The following WASL variants were observed in gnomAD, a reference collection of about 807,000 sequenced individuals.
WASL encodes the protein actin nucleation-promoting factor WASL.
WASL carries 20 observed loss-of-function variants against 55.5 expected under a neutral mutation model. That is an observed-to-expected ratio of 0.36 (90% CI 0.25 to 0.52). The LOEUF (loss-of-function observed/expected upper bound fraction) is 0.52, where lower values mean the gene tolerates loss of function less well. WASL is among the 20% of genes least tolerant of loss of function. The pLI is 0.92. For synonymous variants in WASL, 249 were observed against 217.6 expected (o/e 1.14, Z -1.27); for missense variants, 504 against 622.5 (o/e 0.81, Z 2.03).
rs200077672 is a variant in WASL at position 123,684,463 on chromosome 7, G to C, written c.*56C>G. On this transcript the variant is annotated 3_prime_UTR_variant, in exon 11 of 11. Coordinates refer to ENST00000223023, the MANE Select transcript of WASL (RefSeq NM_003941.4). ...GATAATTTTACAGAATCCACAGACAGAAAGTAGTGTTTAGTATTTCACCTT... is the reference window on the plus strand; with the variant it reads ...GATAATTTTACAGAATCCACAGACACAAAGTAGTGTTTAGTATTTCACCTT... 229 of 523,234 alleles carry C rather than the reference G, an allele frequency of 4.4e-4. 2 individuals carry two copies. Among genetic ancestry groups the C allele is most frequent in the Non-Finnish European group, 4.1e-4 (123 of 301,942 alleles). 32.4% of individuals were successfully genotyped at this position (523,234 alleles called of 1,614,324 possible). A position where few individuals can be genotyped will look rare whatever the true frequency, so the allele number is the denominator to read the frequency against.
chr7:123,741,230 T>C (rs910725395), intron 1 of WASL, among the ~76,000 whole-genome samples: 1 of 152,244 alleles, frequency 6.6e-6, no homozygotes, highest in Non-Finnish European at 1.5e-5. Context: ...TATTACTCTT[T>C]CTTAAATGTG....
intron 10 of WASL, among the ~76,000 whole-genome samples, chr7:123,685,315 G>GTC (rs901770012): frequency 2.6e-5 from 4 of 151,642 alleles, no homozygotes; most frequent in Non-Finnish European, 4.4e-5. Context: ...TCCAGTTATT[G>GTC]TCTCTCTCTC....
intron 1 of WASL, among the ~76,000 whole-genome samples, chr7:123,724,325 C>T (rs910838505): frequency 2.0e-5 from 3 of 152,208 alleles, no homozygotes; most frequent in Admixed American, 6.5e-5. Context: ...TATCATACTT[C>T]TCAGCTTATA....
At chr7:123,712,656 G>T (rs1290868506) in intron 1 of WASL, among the ~76,000 whole-genome samples, 3 of 152,168 alleles carry the variant, frequency 2.0e-5, no homozygotes, top group African/African-American at 7.2e-5. Flanking sequence ...TCATTAAAAT[G>T]TATGACCCTT....
At chr7:123,700,667 T>C (rs978298974) in intron 5 of WASL, among the ~76,000 whole-genome samples, 1 of 152,208 alleles carries the variant, frequency 6.6e-6, no homozygotes, top group African/African-American at 2.4e-5. Context: ...CTTGATTTCC[T>C]GACCTCGTGA....
intron 1 of WASL, among the ~76,000 whole-genome samples, chr7:123,713,666 T>C (rs1457578934): frequency 2.0e-5 from 3 of 152,186 alleles, no homozygotes; most frequent in Non-Finnish European, 2.9e-5. Flanking sequence ...TCTCATTATA[T>C]AAAAGCTAAG....
rs368167470 is a variant in WASL, at chr7:123,749,000, C to G, written c.-266G>C. 2.0e-6 allele frequency: 1 copy of G among 495,478 alleles called. No individual in the cohort carries two copies. 30.7% of individuals were successfully genotyped at this position (495,478 alleles called of 1,614,324 possible). On this transcript the variant is annotated 5_prime_UTR_variant, in exon 1 of 11. Coordinates refer to ENST00000223023, the MANE Select transcript of WASL (RefSeq NM_003941.4). ...GGTCGTTGTCCTCGCACTCCGGCGA[C>G]TGCGCTAAACTCCCAACTCCTCCCC...
At chr7:123,731,404 G>A (rs951818539) in intron 1 of WASL, among the ~76,000 whole-genome samples, 1 of 151,978 alleles carries the variant, frequency 6.6e-6, no homozygotes, top group Non-Finnish European at 1.5e-5. Context: ...ATTGACAAGT[G>A]GGCAAAAAAT....
chr7:123,708,611 A>T (rs2116789559), intron 2 of WASL, among the ~76,000 whole-genome samples: 1 of 152,304 alleles, frequency 6.6e-6, no homozygotes. Context: ...TATATCTATC[A>T]TGAGAAACAA....
intron 5 of WASL, among the ~76,000 whole-genome samples, chr7:123,697,920 C>T (rs1037495949): frequency 2.6e-5 from 4 of 152,186 alleles, no homozygotes; most frequent in African/African-American, 9.6e-5. Flanking sequence ...GTAACTAGCC[C>T]TCAACGAAAA....
At position 123,748,477 on chromosome 7, in the gene WASL, AGGGGCC is replaced by A. The variant is rs145691087; in HGVS notation, c.117+135_117+140del. ...TGGGAGCAGGGCGAGGGCGCCGACG[AGGGGCC>A]GGGGCCGGGGCCGGGGCTGGCGGGA... On this transcript the variant is annotated intron_variant, in intron 1 of 10. Transcript: ENST00000223023. The A allele has an allele frequency of 9.5e-4, 697 of 733,160 alleles. 6 individuals are homozygous for A. In the East Asian group the frequency reaches 0.019, roughly 20 times the overall value. 45.4% of individuals were successfully genotyped at this position (733,160 alleles called of 1,614,324 possible). A position where few individuals can be genotyped will look rare whatever the true frequency, so the allele number is the denominator to read the frequency against.
chr7:123,742,048 A>G (rs577748319), intron 1 of WASL, among the ~76,000 whole-genome samples: 94 of 152,350 alleles, frequency 6.2e-4, no homozygotes, highest in Middle Eastern at 6.8e-3. Flanking sequence ...ACAACTGTCC[A>G]CAACAGAGAG....
intron 1 of WASL, among the ~76,000 whole-genome samples, chr7:123,716,999 A>G (rs1378513469): frequency 6.6e-6 from 1 of 152,146 alleles, no homozygotes; most frequent in Non-Finnish European, 1.5e-5. Context: ...ATTCATCCCA[A>G]TCCTAATTTG....
rs889816518 is a variant in WASL at position 123,746,109 on chromosome 7, T to C, written c.117+2509A>G. Among the ~76,000 whole-genome samples the C allele has an allele frequency of 4.6e-5, 7 of 152,178 alleles. No individual in the cohort carries two copies. The South Asian group carries it at 1.4e-3, about 32-fold the overall frequency. On this transcript the variant is annotated intron_variant, in intron 1 of 10. Transcript: ENST00000223023. Reference sequence around the variant, plus strand: ...AAGTGACCCCCAGTTTGAACCCACATTTGCTGTTACAAAGCCAAGGCATTT... The same window carrying C: ...AAGTGACCCCCAGTTTGAACCCACACTTGCTGTTACAAAGCCAAGGCATTT...
chr7:123,710,358 C>G (rs1409224768), intron 1 of WASL, among the ~76,000 whole-genome samples: 1 of 151,232 alleles, frequency 6.6e-6, no homozygotes, highest in Non-Finnish European at 1.5e-5. Context: ...AAAATAGGAG[C>G]TGATTAAGTA....
intron 5 of WASL, among the ~76,000 whole-genome samples, chr7:123,701,962 A>G (rs1468867030): frequency 1.3e-5 from 2 of 150,986 alleles, no homozygotes; most frequent in Admixed American, 6.6e-5. Context: ...AAAACCCTCC[A>G]TTTATTTAAT....
In WASL at chr7:123,684,371, T is replaced by C. The variant is rs1479192850; in HGVS notation, c.*148A>G. The C allele has an allele frequency of 1.5e-5, 5 of 331,052 alleles. No homozygotes were observed. The highest frequency in any genetic ancestry group is 3.8e-5 in the Admixed American group (1 of 26,318). 20.5% of individuals were successfully genotyped at this position (331,052 alleles called of 1,614,324 possible). On this transcript the variant is annotated 3_prime_UTR_variant, in exon 11 of 11. Transcript: ENST00000223023. ...AAACCTTTACAGATTAAATGAGGTA[T>C]TGCACAGATTAAAAAAAAGCAAAAA... is the stretch of plus-strand genomic sequence containing the variant.
rs780833112 is a variant in WASL at position 123,719,296 on chromosome 7, T to C, written c.118-10073A>G. On this transcript the variant is annotated intron_variant, in intron 1 of 10. Coordinates refer to ENST00000223023, the MANE Select transcript of WASL (RefSeq NM_003941.4). ...TATGCTGAAGTCACATGGGACTGTCTTAGAAGTCATTAACCTCTCTCATAT... is the reference window on the plus strand; with the variant it reads ...TATGCTGAAGTCACATGGGACTGTCCTAGAAGTCATTAACCTCTCTCATAT... Among the ~76,000 whole-genome samples, 17 of 152,238 alleles carry C rather than the reference T, an allele frequency of 1.1e-4. No individual in the cohort carries two copies. The Middle Eastern group carries it at 0.01, about 91-fold the overall frequency.
intron 1 of WASL, among the ~76,000 whole-genome samples, chr7:123,740,945 G>C (rs1187072610): frequency 6.6e-6 from 1 of 152,190 alleles, no homozygotes. Flanking sequence ...TGTCTGTGTG[G>C]AGTTTGCAGG....
Sources: gnomAD v4.1 joint callset for allele counts (sites outside exome capture counted in the v4.1 genomes callset) on GRCh38, gnomAD v4.1.1 for gene constraint, MANE v1.5 for transcripts, NCBI Gene and HGNC (gene_info 2026-07-23, HGNC 2026-07-21) for gene names.